The following OSBPL10 variants were observed in gnomAD, a reference collection of about 807,000 sequenced individuals.
OSBPL10 encodes oxysterol binding protein like 10.
In OSBPL10, 49 loss-of-function variants were observed where a neutral mutation model predicts 81.7. The observed-to-expected ratio is 0.60, with a 90% confidence interval of 0.48 to 0.76. The LOEUF (loss-of-function observed/expected upper bound fraction) is 0.76. Ranked by LOEUF, OSBPL10 falls within the 30% of genes least tolerant of loss-of-function variation. The probability of loss-of-function intolerance (pLI) is 0.00; values close to 1 mark genes in which losing one functional copy is unlikely to be tolerated. For synonymous variants in OSBPL10, 419 were observed against 383.6 expected (o/e 1.09, Z -1.08); for missense variants, 923 against 987.8 (o/e 0.93, Z 0.88).
intron 2 of OSBPL10, chr3:31,990,450 T>C (rs144696614): frequency 1.3e-6 from 2 of 1,563,292 alleles, no homozygotes; most frequent in Non-Finnish European, 1.7e-6. Context: ...ACAAGTGTAA[T>C]GAGTGTGGCA....
intron 6 of OSBPL10, among the ~76,000 whole-genome samples, chr3:31,712,723 T>G (rs1696299337): frequency 6.6e-6 from 1 of 152,244 alleles, no homozygotes; most frequent in Non-Finnish European, 1.5e-5. Context: ...AAATTAGCAT[T>G]GTTTTAAATC....
intron 1 of OSBPL10, among the ~76,000 whole-genome samples, chr3:31,931,134 T>G (rs1285764862): frequency 1.3e-5 from 2 of 151,618 alleles, no homozygotes. Context: ...CTGGTGATTA[T>G]CTTTGGAGAG....
In OSBPL10 at chr3:32,066,153, AAAGGAAGAAAGGAAGGAAGG is replaced by A. The variant is rs1323465260; in HGVS notation, n.185+11223_185+11242del. 1.3e-4 allele frequency among the ~76,000 whole-genome samples: 7 copies of A among 52,960 alleles called. 1 individual carries two copies. Among genetic ancestry groups the A allele is most frequent in the Admixed American group, 2.7e-4 (1 of 3,676 alleles). 34.7% of individuals were successfully genotyped at this position (52,960 alleles called of 152,430 possible). The stretch of plus-strand genomic sequence containing the variant: ...AGAGAGAGAAAGGGAAGAAAGGAAG[AAAGGAAGAAAGGAAGGAAGG>A]AAGGAAGGAAGGAAGGAAGGAAGGA... On this transcript the variant is annotated intron_variant and non_coding_transcript_variant, in intron 1 of 3. Transcript: ENST00000479173.
intron 2 of OSBPL10, among the ~76,000 whole-genome samples, chr3:32,006,732 A>C (rs1278673752): frequency 6.6e-6 from 1 of 152,200 alleles, no homozygotes; most frequent in African/African-American, 2.4e-5. Flanking sequence ...GTTCTCATGT[A>C]CACAGCTTTG....
chr3:31,814,899 C>G (rs1356148265), intron 4 of OSBPL10, among the ~76,000 whole-genome samples: 1 of 152,170 alleles, frequency 6.6e-6, no homozygotes. Flanking sequence ...ATTCTTTGCT[C>G]TCTTGCCCCT....
chr3:31,777,392 G>T (rs1163151054), intron 4 of OSBPL10, among the ~76,000 whole-genome samples: 2 of 151,976 alleles, frequency 1.3e-5, no homozygotes, highest in African/African-American at 2.4e-5. Context: ...TGTCCCCCTA[G>T]CCTGCTGGTT....
chr3:31,919,610 A>C (rs546883131), intron 1 of OSBPL10: 2 of 152,172 alleles, frequency 1.3e-5, no homozygotes, highest in Non-Finnish European at 2.9e-5. Context: ...CATCAATTCA[A>C]ATTTCTAAGT....
chr3:32,017,709 T>A (rs1699328113), intron 2 of OSBPL10, among the ~76,000 whole-genome samples: 1 of 152,180 alleles, frequency 6.6e-6, no homozygotes, highest in Non-Finnish European at 1.5e-5. Context: ...GTGACATCAG[T>A]TAAGCCATTT....
rs1559551501 is a variant in OSBPL10, at chr3:32,026,096, A to AGATAGATAGAT, written n.298+20394_298+20395insATCTATCTATC. Among the ~76,000 whole-genome samples the AGATAGATAGAT allele has an allele frequency of 7.8e-3, 705 of 90,458 alleles. 7 individuals carry two copies. The highest frequency in any genetic ancestry group is 0.02 in the East Asian group (63 of 3,224). 59.3% of individuals were successfully genotyped at this position (90,458 alleles called of 152,430 possible). The stretch of plus-strand genomic sequence containing the variant: ...ATAGATAGATAGATAGATAGATGAT[A>AGATAGATAGAT]GATAGATAGAGATAGAGATAGAGAC... On this transcript the variant is annotated intron_variant and non_coding_transcript_variant, in intron 2 of 3. Transcript: ENST00000479173.
chr3:31,972,062 T>C (rs1698581239), intron 1 of OSBPL10, among the ~76,000 whole-genome samples: 1 of 152,136 alleles, frequency 6.6e-6, no homozygotes, highest in South Asian at 2.1e-4. Flanking sequence ...GTTTGGGGGA[T>C]GGTGCTGCCA....
chr3:32,038,821 T>G (rs537645356), intron 2 of OSBPL10, among the ~76,000 whole-genome samples: 1 of 152,190 alleles, frequency 6.6e-6, no homozygotes, highest in Non-Finnish European at 1.5e-5. Context: ...TGGATGAATT[T>G]TAAGTAGGAA....
At chr3:31,923,128 C>T (rs1696965165) in intron 1 of OSBPL10, among the ~76,000 whole-genome samples, 1 of 152,066 alleles carries the variant, frequency 6.6e-6, no homozygotes, top group Non-Finnish European at 1.5e-5. Context: ...AACTGGTTTC[C>T]CAGGGTAACC....
chr3:31,802,886 C>T (rs534030994), intron 4 of OSBPL10, among the ~76,000 whole-genome samples: 1 of 152,116 alleles, frequency 6.6e-6, no homozygotes, highest in South Asian at 2.1e-4. Context: ...AAGAGCCACC[C>T]AGTCAGCTCT....
intron 6 of OSBPL10, among the ~76,000 whole-genome samples, chr3:31,712,797 ACT>A (rs778054670): frequency 6.6e-6 from 1 of 152,272 alleles, no homozygotes; most frequent in Non-Finnish European, 1.5e-5. Flanking sequence ...TCTCAGACTT[ACT>A]GTGTCTAAAA....
intron 1 of OSBPL10, among the ~76,000 whole-genome samples, chr3:31,960,773 T>A (rs1308864576): frequency 6.6e-6 from 1 of 152,118 alleles, no homozygotes; most frequent in African/African-American, 2.4e-5. Flanking sequence ...CCATGTGCCA[T>A]CTGTGCCCCT....
At chr3:31,907,027 C>T (rs1336254681) in intron 1 of OSBPL10, 1 of 152,156 alleles carries the variant, frequency 6.6e-6, no homozygotes, top group African/African-American at 2.4e-5. Flanking sequence ...TTATTGATGT[C>T]ATAATTTATT....
chr3:31,744,845 A>T (rs994033934), intron 5 of OSBPL10, among the ~76,000 whole-genome samples: 2 of 151,724 alleles, frequency 1.3e-5, no homozygotes, highest in African/African-American at 4.8e-5. Context: ...TTCAAGAGGG[A>T]TTAATTTTAG....
rs536619635 is a variant in OSBPL10, at chr3:31,678,891, C to T, written c.1726+4743G>A. On this transcript the variant is annotated intron_variant, in intron 8 of 11. Coordinates refer to ENST00000396556, the MANE Select transcript of OSBPL10 (RefSeq NM_017784.5). ...TCTCTGCTTCTATCTTTGCACTGGG[C>T]CCTCTCCACTTCTGCCTTCAGTCTA... is the stretch of plus-strand genomic sequence containing the variant. 2.0e-5 allele frequency among the ~76,000 whole-genome samples: 3 copies of T among 151,774 alleles called. No homozygotes were observed. In the South Asian group the frequency reaches 6.3e-4, roughly 32 times the overall value.
At chr3:31,974,929 T>C (rs1698654317) in intron 1 of OSBPL10, among the ~76,000 whole-genome samples, 1 of 152,158 alleles carries the variant, frequency 6.6e-6, no homozygotes, top group African/African-American at 2.4e-5. Flanking sequence ...AGCTTTTCTT[T>C]GCCTCAACAA....
Sources: gnomAD v4.1 joint callset for allele counts (sites outside exome capture counted in the v4.1 genomes callset) on GRCh38, gnomAD v4.1.1 for gene constraint, MANE v1.5 for transcripts, NCBI Gene and HGNC (gene_info 2026-07-23, HGNC 2026-07-21) for gene names.